CES2: variants seen among roughly 807,000 people sequenced by gnomAD.
CES2 encodes cocaine esterase.
Under a neutral mutation model 52.1 loss-of-function variants are expected in CES2, and 42 were observed. That is an observed-to-expected ratio of 0.81 (90% confidence interval 0.63 to 1.04). The LOEUF (loss-of-function observed/expected upper bound fraction) is 1.04. Ranked by LOEUF, CES2 falls within the 50% of genes least tolerant of loss-of-function variation. The probability of loss-of-function intolerance (pLI) is 0.00; values close to 1 mark genes in which losing one functional copy is unlikely to be tolerated. For synonymous variants in CES2, 277 were observed against 289.6 expected (o/e 0.96, Z 0.44); for missense variants, 656 against 724.3 (o/e 0.91, Z 1.08).
chr16:66,939,399 T>C, intron 3 of CES2, 41 bp downstream of exon 3: 4 of 1,608,616 alleles, frequency 2.5e-6, no homozygotes, highest in Non-Finnish European at 3.4e-6. Flanking sequence ...TGGAGGACAG[T>C]TCTTCTGCAA....
At chr16:66,941,882 G>A (rs370023069) in intron 8 of CES2, 34 bp downstream of exon 8, 117 of 1,613,184 alleles carry the variant, frequency 7.3e-5, no homozygotes, top group Non-Finnish European at 9.3e-5. Flanking sequence ...CAATGGAGAC[G>A]GGCTCCTCTC....
rs1178888063 is a variant in CES2 at position 66,943,953 on chromosome 16, G to A, written c.1608G>A (p.Gln536=). Residue 536 remains glutamine (Q), a synonymous_variant, in exon 12 of 12, where the codon CAG becomes CAA. Transcript: ENST00000317091. This position sits in a 1 kb window ranked among gnomAD's most constrained non-coding sequence, Gnocchi z 4.2. ...VGRALKAHRL[Q]FWKKALPQKI... ...GGGCTCTGAAGGCCCACAGGCTCCA[G>A]TTCTGGAAGAAGGCGCTGCCCCAAA... The A allele has an allele frequency of 2.5e-6, 4 of 1,607,234 alleles. No homozygotes were observed. In the East Asian group the frequency reaches 6.7e-5, roughly 27 times the overall value.
intron 5 of CES2, 142 bp from the exon 6 acceptor site, chr16:66,940,982 G>C (rs1481928484): frequency 1.6e-6 from 2 of 1,247,002 alleles, no homozygotes; most frequent in Non-Finnish European, 2.2e-6. Flanking sequence ...GGACTTCTGA[G>C]TTGGAACAGT....
At chr16:66,937,796 AAGGTCCT>A (rs1385924458) in intron 1 of CES2, among the ~76,000 whole-genome samples, 1 of 152,162 alleles carries the variant, frequency 6.6e-6, no homozygotes, top group Non-Finnish European at 1.5e-5. Flanking sequence ...CCTTTGTTTG[AAGGTCCT>A]AGGGCTGAAT....
chr16:66,940,386 G>T (rs754108533), intron 4 of CES2, 31 bp downstream of exon 4: 1 of 1,614,128 alleles, frequency 6.2e-7, no homozygotes, highest in Admixed American at 1.7e-5. Context: ...GGCAACCCGG[G>T]CTGAGCGGGG....
At position 66,938,303 on chromosome 16, in the gene CES2, G is replaced by A; in HGVS notation, c.281+62G>A. The A allele has an allele frequency of 1.1e-5, 13 of 1,134,212 alleles. No homozygotes were observed. The South Asian group carries it at 1.2e-4, about 11-fold the overall frequency. The allele number at this position is 1,134,212 out of a possible 1,614,324, so 70.3% of individuals were successfully genotyped here. ...TGGGGCAGGGGTGGGGGTGCTCTGA[G>A]CTCAGCTAGGCTGCAGTTATCATTT... On this transcript the variant is annotated intron_variant, in intron 2 of 11. Transcript: ENST00000317091.
Position 66,943,483 on chromosome 16 carries a change from A to T in CES2, c.1493+112A>T. On this transcript the variant is annotated intron_variant, in intron 11 of 11. Coordinates refer to ENST00000317091, the MANE Select transcript of CES2 (RefSeq NM_001365405.1). The surrounding 1 kb of genome is among the most constrained non-coding windows in gnomAD (Gnocchi z 4.2). ...GCACACCCGCATCCTTCATCACATG[A>T]TGGCCCCTTCCCCAGCTCCGGGACC... The T allele has an allele frequency of 8.8e-7, 1 of 1,133,298 alleles. No individual in the cohort carries two copies. The highest frequency in any genetic ancestry group is 1.3e-6 in the Non-Finnish European group (1 of 769,360). 70.2% of individuals were successfully genotyped at this position (1,133,298 alleles called of 1,614,324 possible). A position where few individuals can be genotyped will look rare whatever the true frequency, so the allele number is the denominator to read the frequency against.
rs1281694014 is a variant in CES2, at chr16:66,944,481, C to T, written c.*456C>T. The T allele has an allele frequency of 6.6e-6, 1 of 152,334 alleles. No homozygotes were observed. Among genetic ancestry groups the T allele is most frequent in the Non-Finnish European group, 1.5e-5 (1 of 68,128 alleles). The allele number at this position is 152,334 out of a possible 1,614,324, so 9.4% of individuals were successfully genotyped here. A position where few individuals can be genotyped will look rare whatever the true frequency, so the allele number is the denominator to read the frequency against. ...GAATAATAGGCCAGGCACTGTGGCT[C>T]ATGCCCCTAATCCCAGCACTTTTGG... On this transcript the variant is annotated 3_prime_UTR_variant, in exon 12 of 12. Coordinates refer to ENST00000317091, the MANE Select transcript of CES2 (RefSeq NM_001365405.1).
upstream of CES2, chr16:66,935,171 A>G (rs192610960): frequency 7.4e-4 from 299 of 404,192 alleles, no homozygotes; most frequent in Non-Finnish European, 1.2e-3. Context: ...ACCCCGATCA[A>G]GTTCCTTCCC....
At chr16:66,934,820 C>T (rs947484323), upstream of CES2, 9 of 168,618 alleles carry the variant, frequency 5.3e-5, no homozygotes, top group Admixed American at 5.4e-4. The surrounding 1 kb of genome is among the most constrained non-coding windows in gnomAD (Gnocchi z 4.1). Flanking sequence ...CACCATAGGC[C>T]CGGGAGTACG....
chr16:66,935,880 G>A lies in CES2; in HGVS notation c.76+169G>A, dbSNP rs1456044192. On this transcript the variant is annotated intron_variant, in intron 1 of 11. Transcript: ENST00000317091. Reference sequence around the variant, plus strand: ...AACGCCTCCCCGCCGCCCAAGGTGGGCTCCTAGAAGCACAGAAAGGGTCGG... The same window carrying A: ...AACGCCTCCCCGCCGCCCAAGGTGGACTCCTAGAAGCACAGAAAGGGTCGG... 14 of 1,479,552 alleles carry A rather than the reference G, an allele frequency of 9.5e-6. No individual in the cohort carries two copies. The Middle Eastern group carries it at 7.3e-4, about 78-fold the overall frequency. 91.7% of individuals were successfully genotyped at this position (1,479,552 alleles called of 1,614,324 possible). A position where few individuals can be genotyped will look rare whatever the true frequency, so the allele number is the denominator to read the frequency against.
chr16:66,941,476 C>G, intron 6 of CES2, 30 bp from the exon 7 acceptor site: 1 of 1,611,884 alleles, frequency 6.2e-7, no homozygotes, highest in Non-Finnish European at 8.5e-7. Context: ...GGGACCTGAC[C>G]TTGTTCCCTG....
Position 66,943,232 on chromosome 16 carries a change from C to T in CES2, c.1421-67C>T, listed in dbSNP as rs535336726. ...GGACCGAGGTCTCGGGGGCCAAGGA[C>T]GAGCTCCACCTGGGATGCTGAGGTT... On this transcript the variant is annotated intron_variant, in intron 10 of 11. Coordinates refer to ENST00000317091, the MANE Select transcript of CES2 (RefSeq NM_001365405.1). This position sits in a 1 kb window ranked among gnomAD's most constrained non-coding sequence, Gnocchi z 4.2. 32 of 1,547,312 alleles carry T rather than the reference C, an allele frequency of 2.1e-5. 1 individual carries two copies. Among genetic ancestry groups the T allele is most frequent in the African/African-American group, 6.8e-5 (5 of 73,544 alleles).
chr16:66,941,884 G>T, intron 8 of CES2, 36 bp downstream of exon 8: 2 of 1,613,216 alleles, frequency 1.2e-6, no homozygotes, highest in Non-Finnish European at 1.7e-6. Flanking sequence ...ATGGAGACGG[G>T]CTCCTCTCCT....
intron 2 of CES2, chr16:66,938,503 A>G (rs1261400935): frequency 1.9e-6 from 1 of 529,066 alleles, no homozygotes; most frequent in Non-Finnish European, 3.4e-6. Flanking sequence ...AGACACACGT[A>G]TCTCCCCAGA....
intron 1 of CES2, 177 bp downstream of exon 1, chr16:66,935,888 A>G: frequency 6.8e-7 from 1 of 1,471,230 alleles, no homozygotes; most frequent in Non-Finnish European, 9.0e-7. Context: ...GGGCTCCTAG[A>G]AGCACAGAAA....
Position 66,942,166 on chromosome 16 carries a change from C to T in CES2, c.1199C>T (p.Pro400Leu). ...GAGTACATTGGGGACAATGGGGATC[C>T]CCAGACCCTCCAAGCGCAGTTCCAG... Reference protein sequence around the residue: ...REEYIGDNGDPQTLQAQFQEM... With the variant: ...REEYIGDNGDLQTLQAQFQEM... The change falls in exon 9 of 12, where the codon CCC becomes CTC. Residue 400 changes from proline (P) to leucine (L), a missense_variant. Transcript: ENST00000317091. The T allele has an allele frequency of 1.2e-6, 2 of 1,613,856 alleles. No homozygotes were observed. The highest frequency in any genetic ancestry group is 1.1e-5 in the South Asian group (1 of 91,054).
At chr16:66,934,493 C>T, upstream of CES2, 3 of 1,351,848 alleles carry the variant, frequency 2.2e-6, no homozygotes, top group Non-Finnish European at 2.9e-6. The surrounding 1 kb of genome is among the most constrained non-coding windows in gnomAD (Gnocchi z 4.1). Context: ...TGTGGGTTCT[C>T]GGCCTGAGGT....
Position 66,944,031 on chromosome 16 carries a change from T to C in CES2, c.*6T>C. 2.8e-6 allele frequency: 4 copies of C among 1,409,866 alleles called. No homozygotes were observed. The highest frequency in any genetic ancestry group is 2.2e-5 in the Admixed American group (1 of 45,042). 87.3% of individuals were successfully genotyped at this position (1,409,866 alleles called of 1,614,324 possible). The stretch of plus-strand genomic sequence containing the variant: ...AGAGACACACAGAGCTGTAGCTCCC[T>C]GTGCCGGGGAGGAGGGGGTGGGTTC... On this transcript the variant is annotated 3_prime_UTR_variant, in exon 12 of 12. Transcript: ENST00000317091.
Sources: gnomAD v4.1 joint callset for allele counts (sites outside exome capture counted in the v4.1 genomes callset) on GRCh38, gnomAD v4.1.1 for gene constraint, Gnocchi (gnomAD v3.1) non-coding constraint, MANE v1.5 for transcripts, NCBI Gene and HGNC (gene_info 2026-07-23, HGNC 2026-07-21) for gene names.